DYM: variants seen among roughly 807,000 people sequenced by gnomAD.
DYM encodes the protein dymeclin, also known as dyggve-Melchior-Clausen syndrome protein.
DYM carries 78 observed loss-of-function variants against 93.1 expected under a neutral mutation model. The observed-to-expected ratio is 0.84, with a 90% CI of 0.70 to 1.01. The LOEUF is 1.01. Among genes scored for constraint, DYM ranks in the 50% least tolerant of loss-of-function variants. The pLI, the probability that DYM is intolerant of heterozygous loss-of-function variation, is 0.00. For synonymous variants in DYM, 321 were observed against 319.7 expected (o/e 1.00, Z -0.04); for missense variants, 789 against 845.0 (o/e 0.93, Z 0.82).
intron 5 of DYM, chr18:49,375,588 T>C (rs897521517): frequency 1.3e-5 from 2 of 152,182 alleles, no homozygotes; most frequent in African/African-American, 2.4e-5. Flanking sequence ...ATTGATATGC[T>C]TGCTTTATTC....
In DYM at chr18:49,081,239, C is replaced by T. The variant is rs915386388; in HGVS notation, c.2025+16163G>A. Reference sequence around the variant, plus strand: ...ATTGAGCACTGAGTGAACCAGACTCCGTCTGCAATCCCGGCACCTCGGGAG... The same window carrying T: ...ATTGAGCACTGAGTGAACCAGACTCTGTCTGCAATCCCGGCACCTCGGGAG... On this transcript the variant is annotated intron_variant, in intron 17 of 17. Transcript: ENST00000675505. 2.8e-4 allele frequency among the ~76,000 whole-genome samples: 42 copies of T among 150,880 alleles called. 1 individual carries two copies. Among genetic ancestry groups the T allele is most frequent in the African/African-American group, 9.7e-4 (40 of 41,104 alleles).
At chr18:49,167,001 T>C (rs2087970168) in intron 14 of DYM, among the ~76,000 whole-genome samples, 2 of 128,336 alleles carry the variant, frequency 1.6e-5, no homozygotes, top group South Asian at 5.3e-4. Flanking sequence ...TGTGTGTGTG[T>C]GTGTGTGTGT....
In DYM at chr18:49,045,724, C is replaced by A. The variant is rs533308168; in HGVS notation, c.2026-1520G>T. Among the ~76,000 whole-genome samples, 59 of 152,222 alleles carry A rather than the reference C, an allele frequency of 3.9e-4. 1 individual carries two copies. The highest frequency in any genetic ancestry group is 1.3e-3 in the African/African-American group (56 of 41,518). On this transcript the variant is annotated intron_variant, in intron 17 of 17. Transcript: ENST00000675505. Reference sequence around the variant, plus strand: ...GGAGCCAGAAGGGAGGAGGTGGCAGCCAGACGAAGGGGAGGTGAGCTCCCC... The same window carrying A: ...GGAGCCAGAAGGGAGGAGGTGGCAGACAGACGAAGGGGAGGTGAGCTCCCC...
At chr18:49,452,104 A>G (rs948654438) in intron 1 of DYM, among the ~76,000 whole-genome samples, 1 of 152,214 alleles carries the variant, frequency 6.6e-6, no homozygotes, top group African/African-American at 2.4e-5. Context: ...ATGAAGCCAC[A>G]GACCCTCACA....
chr18:49,271,670 G>C (rs1568143903), intron 11 of DYM, among the ~76,000 whole-genome samples: 1 of 128,390 alleles, frequency 7.8e-6, no homozygotes, highest in Non-Finnish European at 1.9e-5. Context: ...TTACTTTGAT[G>C]CAAAAAATAA....
In DYM at chr18:49,258,392, C is replaced by T; in HGVS notation, c.1353G>A (p.Met451Ile). The T allele has an allele frequency of 6.2e-7, 1 of 1,604,786 alleles. No individual in the cohort carries two copies. Residue 451 changes from methionine (M) to isoleucine (I), a missense_variant, in exon 12 of 18, where the codon ATG becomes ATA. Met to Ile is a conservative substitution (Grantham distance 10). This residue lies in a region of DYM where 225 missense variants were observed against 303.0 expected (regional missense o/e 0.74). Transcript: ENST00000675505. ...LVVIRTIQYN[M>I]TRTRDKYLHT... ...CTGGAATACTTACTCGTGTCCTAGTCATGTTGTATTGAATGGTTCTTATTA... is the reference window on the plus strand; with the variant it reads ...CTGGAATACTTACTCGTGTCCTAGTTATGTTGTATTGAATGGTTCTTATTA...
At chr18:49,425,382 CA>C (rs1568423455) in intron 2 of DYM, among the ~76,000 whole-genome samples, 1 of 152,120 alleles carries the variant, frequency 6.6e-6, no homozygotes, top group African/African-American at 2.4e-5. Context: ...ACACCTCATA[CA>C]AAAATTAATT....
intron 17 of DYM, among the ~76,000 whole-genome samples, chr18:49,061,109 G>A (rs1177636202): frequency 6.6e-6 from 1 of 152,166 alleles, no homozygotes; most frequent in Non-Finnish European, 1.5e-5. Context: ...GAACCATGGT[G>A]TTCATAATCT....
intron 13 of DYM, among the ~76,000 whole-genome samples, chr18:49,253,990 G>C (rs1040965760): frequency 1.3e-5 from 2 of 152,028 alleles, no homozygotes; most frequent in Non-Finnish European, 2.9e-5. Flanking sequence ...CAGCATGCCA[G>C]TTCCATGAAA....
chr18:49,162,533 A>C (rs1419334204), intron 15 of DYM, among the ~76,000 whole-genome samples: 1 of 152,208 alleles, frequency 6.6e-6, no homozygotes, highest in African/African-American at 2.4e-5. Context: ...TCATTAATCC[A>C]TTTATAAGGG....
At chr18:49,101,185 T>C (rs1204168150) in intron 16 of DYM, among the ~76,000 whole-genome samples, 1 of 152,218 alleles carries the variant, frequency 6.6e-6, no homozygotes, top group African/African-American at 2.4e-5. Flanking sequence ...TGAAAATCTC[T>C]GCATGAGACA....
chr18:49,430,449 T>G lies in DYM; in HGVS notation c.-53-2A>C. The G allele has an allele frequency of 6.2e-7, 1 of 1,603,602 alleles. No individual in the cohort carries two copies. The highest frequency in any genetic ancestry group is 1.1e-5 in the South Asian group (1 of 90,520). Reference sequence around the variant, plus strand: ...AAACCTGCATTTCCAAAAGACAACCTATAAAAAATAAAAATAAAAACTTTA... The same window carrying G: ...AAACCTGCATTTCCAAAAGACAACCGATAAAAAATAAAAATAAAAACTTTA... On this transcript the variant is annotated splice_acceptor_variant, in intron 1 of 17. Coordinates refer to ENST00000675505, the MANE Select transcript of DYM (RefSeq NM_001353214.3). LOFTEE classifies it low-confidence loss of function (5UTR_SPLICE).
At chr18:49,095,208 G>A (rs1048134827) in intron 17 of DYM, among the ~76,000 whole-genome samples, 4 of 152,044 alleles carry the variant, frequency 2.6e-5, no homozygotes, top group South Asian at 2.1e-4. Flanking sequence ...TTTAGATACC[G>A]TGGTATTCTG....
At chr18:49,164,861 G>A (rs1012186148) in intron 14 of DYM, among the ~76,000 whole-genome samples, 1 of 152,150 alleles carries the variant, frequency 6.6e-6, no homozygotes, top group African/African-American at 2.4e-5. Context: ...CTATTCTAGA[G>A]TGCAAATTAC....
At chr18:49,132,443 T>A (rs904138277) in intron 15 of DYM, among the ~76,000 whole-genome samples, 9 of 151,942 alleles carry the variant, frequency 5.9e-5, no homozygotes, top group African/African-American at 1.9e-4. Context: ...AGAATAACCA[T>A]GAAAAAAGGG....
intron 13 of DYM, among the ~76,000 whole-genome samples, chr18:49,215,918 G>A (rs554988555): frequency 8.5e-5 from 13 of 152,336 alleles, no homozygotes; most frequent in Middle Eastern, 3.4e-3. Context: ...TGGGTGCAGC[G>A]CACCGTGCGG....
intron 3 of DYM, chr18:49,390,727 G>C (rs1001525598): frequency 1.3e-5 from 2 of 152,174 alleles, no homozygotes; most frequent in African/African-American, 4.8e-5. Flanking sequence ...AGCTGGTCTT[G>C]AACTCCTGAC....
intron 1 of DYM, 57 bp from the exon 2 acceptor site, chr18:49,430,504 T>C (rs2074711205): frequency 7.6e-7 from 1 of 1,320,118 alleles, no homozygotes. Flanking sequence ...ATGCTTTGTC[T>C]ACCTATAAAA....
At chr18:49,285,708 T>G (rs1451124643) in intron 9 of DYM, among the ~76,000 whole-genome samples, 1 of 151,996 alleles carries the variant, frequency 6.6e-6, no homozygotes, top group East Asian at 1.9e-4. Context: ...AATTGCCTAA[T>G]GGAACACAGC....
Sources: allele counts gnomAD v4.1 joint callset (sites outside exome capture counted in the v4.1 genomes callset), GRCh38; gene constraint gnomAD v4.1.1; regional missense constraint gnomAD v4.1.1; transcripts MANE v1.5; gene names NCBI Gene and HGNC (gene_info 2026-07-23, HGNC 2026-07-21).